The following CCDC141 variants were observed in gnomAD, a reference collection of about 807,000 sequenced individuals.
The protein encoded by CCDC141 is coiled-coil domain-containing protein 141.
In CCDC141, 168 loss-of-function variants were observed where a neutral mutation model predicts 181.0. The ratio of observed to expected loss-of-function variants is 0.93; its 90% CI spans 0.82 to 1.05. CCDC141 has a LOEUF of 1.05. CCDC141 is among the 50% of genes least tolerant of loss of function. The probability of loss-of-function intolerance (pLI) is 0.00; values close to 1 mark genes in which losing one functional copy is unlikely to be tolerated. For synonymous variants in CCDC141, 666 were observed against 642.3 expected (o/e 1.04, Z -0.56); for missense variants, 1,902 against 1,788.5 (o/e 1.06, Z -1.14).
At chr2:178,982,983 T>A (rs1691507083) in intron 2 of CCDC141, among the ~76,000 whole-genome samples, 1 of 152,210 alleles carries the variant, frequency 6.6e-6, no homozygotes, top group African/African-American at 2.4e-5. Flanking sequence ...GAGGCCTGCC[T>A]GCCTCTGTAG....
At chr2:178,983,613 T>C (rs1160583670) in intron 2 of CCDC141, among the ~76,000 whole-genome samples, 1 of 145,008 alleles carries the variant, frequency 6.9e-6, no homozygotes, top group African/African-American at 2.6e-5. Flanking sequence ...TACAGAGAAG[T>C]GCTTAAAGGA....
At chr2:179,020,621 G>GC (rs1237213594) in intron 2 of CCDC141, among the ~76,000 whole-genome samples, 1 of 152,122 alleles carries the variant, frequency 6.6e-6, no homozygotes, top group Non-Finnish European at 1.5e-5. Context: ...ATAAACCTGA[G>GC]CAAGTCCCTT....
At chr2:178,902,274 A>C (rs1342028128) in intron 8 of CCDC141, among the ~76,000 whole-genome samples, 3 of 152,096 alleles carry the variant, frequency 2.0e-5, no homozygotes, top group Non-Finnish European at 4.4e-5. Context: ...TCATATGGCA[A>C]CAAAAAAGAG....
chr2:178,929,082 G>A (rs141038490), intron 6 of CCDC141, among the ~76,000 whole-genome samples: 184 of 152,258 alleles, frequency 1.2e-3, no homozygotes, highest in African/African-American at 4.3e-3. Context: ...TGATGCAGGT[G>A]TCTTACTCTT....
intron 7 of CCDC141, among the ~76,000 whole-genome samples, chr2:178,906,434 T>C (rs777385724): frequency 5.9e-5 from 9 of 152,238 alleles, no homozygotes; most frequent in Non-Finnish European, 1.0e-4. Context: ...TCTCACCTAA[T>C]GTCTCTAGGA....
chr2:179,043,650 A>G (rs1401961543), intron 2 of CCDC141, among the ~76,000 whole-genome samples: 3 of 152,242 alleles, frequency 2.0e-5, no homozygotes, highest in African/African-American at 4.8e-5. Flanking sequence ...AACTCGGAAT[A>G]AACTAGGTAT....
downstream of CCDC141, among the ~76,000 whole-genome samples, chr2:178,828,778 A>G (rs913621796): frequency 2.6e-5 from 4 of 152,212 alleles, no homozygotes; most frequent in African/African-American, 9.6e-5. Flanking sequence ...TTAGCATAAT[A>G]TGCGTTGGAG....
chr2:179,002,504 A>G (rs575328618), intron 2 of CCDC141: 4 of 416,194 alleles, frequency 9.6e-6, no homozygotes, highest in East Asian at 7.7e-5. Context: ...CTAAAAAAAG[A>G]TGATGTCCAA....
intron 12 of CCDC141, among the ~76,000 whole-genome samples, chr2:178,872,720 T>C (rs1439858127): frequency 6.6e-6 from 1 of 152,204 alleles, no homozygotes; most frequent in Non-Finnish European, 1.5e-5. Context: ...TATCAAGGCA[T>C]AGGAGGGGAC....
At chr2:178,893,568 C>G (rs924219957) in intron 8 of CCDC141, among the ~76,000 whole-genome samples, 31 of 152,090 alleles carry the variant, frequency 2.0e-4, no homozygotes, top group African/African-American at 7.5e-4. Context: ...AAAAAATCTT[C>G]CTTATCTTTA....
chr2:179,043,285 T>C (rs2043373989), intron 2 of CCDC141, among the ~76,000 whole-genome samples: 1 of 152,122 alleles, frequency 6.6e-6, no homozygotes, highest in Admixed American at 6.6e-5. Flanking sequence ...TTGACTTCTA[T>C]CAGAGGTATA....
At chr2:178,916,149 C>G (rs953547906) in intron 7 of CCDC141, among the ~76,000 whole-genome samples, 4 of 152,136 alleles carry the variant, frequency 2.6e-5, no homozygotes, top group African/African-American at 9.7e-5. Flanking sequence ...GGAATGTTCA[C>G]AATTAGGAAA....
intron 2 of CCDC141, among the ~76,000 whole-genome samples, chr2:178,993,860 A>G (rs1692166053): frequency 1.3e-5 from 2 of 152,242 alleles, no homozygotes; most frequent in African/African-American, 2.4e-5. Flanking sequence ...TACAGGCCCC[A>G]TGAAAGTCCG....
At chr2:178,986,567 C>G (rs1372981501) in intron 2 of CCDC141, among the ~76,000 whole-genome samples, 1 of 151,852 alleles carries the variant, frequency 6.6e-6, no homozygotes. Flanking sequence ...TCTAGAAAAC[C>G]CCATTGTCTC....
chr2:178,863,173 A>G (rs1685695704), intron 17 of CCDC141, among the ~76,000 whole-genome samples: 1 of 152,218 alleles, frequency 6.6e-6, no homozygotes. Context: ...GAACACCCTG[A>G]GCTGAAACTC....
chr2:178,992,339 C>A (rs1486269667), intron 2 of CCDC141, among the ~76,000 whole-genome samples: 3 of 122,358 alleles, frequency 2.5e-5, no homozygotes, highest in East Asian at 2.3e-4. Context: ...GTAAAATAGA[C>A]CTTTTTTTTT....
intron 6 of CCDC141, among the ~76,000 whole-genome samples, chr2:178,923,891 C>T (rs183081212): frequency 4.6e-5 from 7 of 152,192 alleles, no homozygotes; most frequent in Admixed American, 4.6e-4. Context: ...GACAAGAAGG[C>T]GAAAAAGATT....
chr2:178,938,343 C>T (rs925578458), intron 6 of CCDC141, among the ~76,000 whole-genome samples: 1 of 152,182 alleles, frequency 6.6e-6, no homozygotes, highest in South Asian at 2.1e-4. Flanking sequence ...GCTTTAATTT[C>T]ACTAATTACC....
intron 5 of CCDC141, among the ~76,000 whole-genome samples, chr2:178,951,707 G>A (rs995933995): frequency 2.0e-5 from 3 of 152,162 alleles, no homozygotes; most frequent in Non-Finnish European, 2.9e-5. Flanking sequence ...GCAACACCAG[G>A]GGTACGGAAG....
Sources: gnomAD v4.1 joint callset for allele counts (sites outside exome capture counted in the v4.1 genomes callset) on GRCh38, gnomAD v4.1.1 for gene constraint, MANE v1.5 for transcripts, NCBI Gene and HGNC (gene_info 2026-07-23, HGNC 2026-07-21) for gene names.